Variants in C1QTNF9B observed in about 807,000 individuals in gnomAD.
C1QTNF9B encodes complement C1q and tumor necrosis factor-related protein 9B.
A neutral mutation model predicts 10.1 loss-of-function variants in C1QTNF9B; 9 were observed. That is an observed-to-expected ratio of 0.89 (90% confidence interval 0.53 to 1.55). The LOEUF (loss-of-function observed/expected upper bound fraction) is 1.55. Among genes scored for constraint, C1QTNF9B ranks in the 40% most tolerant of loss-of-function variants. The pLI is 0.00. For missense variants in C1QTNF9B, 196 were observed against 414.4 expected, an observed-to-expected ratio of 0.47 and a Z score of 4.58; for synonymous variants, 79 against 159.9, an observed-to-expected ratio of 0.49 and a Z score of 3.82.
intron 1 of C1QTNF9B, 64 bp downstream of exon 3, chr13:23,896,757 A>G (rs2137569766): frequency 8.1e-6 from 13 of 1,598,196 alleles, no homozygotes; most frequent in Non-Finnish European, 1.0e-5. Context: ...ACAGATGATG[A>G]GTGAATGAGA....
chr13:23,893,543 G>C (rs144101134), intron 2 of C1QTNF9B, among the ~76,000 whole-genome samples: 1 of 152,288 alleles, frequency 6.6e-6, no homozygotes, highest in East Asian at 1.9e-4. Flanking sequence ...TGAGATCATG[G>C]CTCATGGCAG....
At chr13:23,892,141 C>A in intron 2 of C1QTNF9B, 80 bp from the exon 5 acceptor site, 1 of 1,556,426 alleles carries the variant, frequency 6.4e-7, no homozygotes, top group Non-Finnish European at 8.7e-7. Context: ...TATAATTGAG[C>A]TCACAAATGA....
At chr13:23,893,615 G>C (rs1221395322) in intron 2 of C1QTNF9B, among the ~76,000 whole-genome samples, 1 of 152,170 alleles carries the variant, frequency 6.6e-6, no homozygotes, top group Non-Finnish European at 1.5e-5. Flanking sequence ...TGGGACTACA[G>C]GCATGTGCCA....
intron 1 of C1QTNF9B, among the ~76,000 whole-genome samples, chr13:23,895,550 T>C (rs181124782): frequency 5.8e-4 from 89 of 152,174 alleles, no homozygotes; most frequent in Admixed American, 8.5e-4. Context: ...ATGTAAAACT[T>C]GAAAGAATGG....
chr13:23,894,720 T>C, intron 1 of C1QTNF9B: 2 of 437,206 alleles, frequency 4.6e-6, no homozygotes, highest in Non-Finnish European at 9.2e-6. Context: ...ATCCCTCTAG[T>C]GCCTTACACT....
At position 23,896,883 on chromosome 13, in the gene C1QTNF9B, C is replaced by T. The variant is rs908770597; in HGVS notation, c.104G>A (p.Gly35Asp). 7 of 1,613,954 alleles carry T rather than the reference C, an allele frequency of 4.3e-6. No individual in the cohort carries two copies. The highest frequency in any genetic ancestry group is 2.7e-5 in the African/African-American group (2 of 74,930). ...ATCTCTTCCAGGCAGACCATTGTGA[C>T]CGGGGTTCCCAGGGATTCCAGGGTG... Residue 35 changes from glycine to aspartate, a missense_variant, in exon 1 of 3, where the codon GGT becomes GAT. Gly to Asp is a moderately conservative substitution (Grantham distance 94). Around this residue, in one of 5 missense-constraint regions of C1QTNF9B, gnomAD observed 46 missense variants for 64.5 expected, o/e 0.71. Coordinates refer to ENST00000382137, the Ensembl canonical transcript of C1QTNF9B.
chr13:23,896,930 T>C, exon 1 of C1QTNF9B: 1 of 1,614,042 alleles, frequency 6.2e-7, no homozygotes, highest in South Asian at 1.1e-5. Context: ...AGGTGTCCTG[T>C]GAGTTTATGT....
chr13:23,896,181 C>T (rs1483117617), intron 1 of C1QTNF9B, among the ~76,000 whole-genome samples: 2 of 152,302 alleles, frequency 1.3e-5, no homozygotes, highest in Middle Eastern at 3.4e-3. Flanking sequence ...CAAGACCAGG[C>T]CTCAAGAATG....
Position 23,891,404 on chromosome 13 carries a change from T to C in C1QTNF9B, c.887A>G (p.Lys296Arg), listed in dbSNP as rs1448331805. The change falls in exon 3 of 3, where the codon AAG becomes AGG. Residue 296 changes from lysine (K) to arginine (R), a missense_variant. Around this residue, in one of 5 missense-constraint regions of C1QTNF9B, gnomAD observed 72 missense variants for 87.1 expected, o/e 0.83. Transcript: ENST00000382137. ...CTGCAGCCACATCTCATCCCCGAGC[T>C]TCAGCTGCAGGACAATGCTGCCAGA... 8.9e-6 allele frequency: 14 copies of C among 1,581,828 alleles called. 1 individual carries two copies. The highest frequency in any genetic ancestry group is 1.2e-5 in the Non-Finnish European group (14 of 1,153,872).
At chr13:23,892,348 T>C (rs1458429731) in intron 2 of C1QTNF9B, among the ~76,000 whole-genome samples, 2 of 151,904 alleles carry the variant, frequency 1.3e-5, no homozygotes, top group Non-Finnish European at 2.9e-5. Flanking sequence ...AATAAAAAAA[T>C]AAGAAAATAA....
chr13:23,897,364 T>C (rs1367431003), upstream of C1QTNF9B: 12 of 297,030 alleles, frequency 4.0e-5, no homozygotes, highest in Non-Finnish European at 6.9e-5. Flanking sequence ...AATCAAATTT[T>C]ATCACAATAT....
Position 23,891,105 on chromosome 13 carries a change from TTAAATATTTACTCC to T in C1QTNF9B, c.*170_*183del, listed in dbSNP as rs1369775051. ...AATTAGAATAAACCATGCAGCTATT[TTAAATATTTACTCC>T]TGGAAAAATAGTAAGTTACATAGAA... On this transcript the variant is annotated 3_prime_UTR_variant, in exon 3 of 3. Coordinates refer to ENST00000382137, the Ensembl canonical transcript of C1QTNF9B. The T allele has an allele frequency of 2.5e-5, 13 of 529,388 alleles. 1 individual carries two copies. The highest frequency in any genetic ancestry group is 3.7e-5 in the Non-Finnish European group (12 of 322,668). 32.8% of individuals were successfully genotyped at this position (529,388 alleles called of 1,614,324 possible). A position where few individuals can be genotyped will look rare whatever the true frequency, so the allele number is the denominator to read the frequency against.
chr13:23,894,946 C>G (rs1332360770), intron 1 of C1QTNF9B, among the ~76,000 whole-genome samples: 7 of 152,192 alleles, frequency 4.6e-5, no homozygotes, highest in Admixed American at 3.3e-4. Flanking sequence ...AGCAGAGACT[C>G]CCATACTTCA....
chr13:23,893,427 C>A (rs1872085934), intron 2 of C1QTNF9B, among the ~76,000 whole-genome samples: 2 of 152,150 alleles, frequency 1.3e-5, no homozygotes, highest in Admixed American at 6.5e-5. Context: ...CCAAATTCAG[C>A]CTCCCTCCCG....
At chr13:23,892,769 C>T (rs901242872) in intron 2 of C1QTNF9B, among the ~76,000 whole-genome samples, 1 of 152,214 alleles carries the variant, frequency 6.6e-6, no homozygotes, top group Non-Finnish European at 1.5e-5. Flanking sequence ...TGTCAGGGCT[C>T]ACATTAGAAA....
chr13:23,892,158 G>GT, intron 2 of C1QTNF9B, 97 bp from the exon 5 acceptor site: 2 of 1,460,730 alleles, frequency 1.4e-6, no homozygotes, highest in Non-Finnish European at 1.9e-6. Context: ...ATGAAACAAA[G>GT]TAGTACACAG....
intron 1 of C1QTNF9B, chr13:23,894,498 G>T: frequency 1.7e-6 from 1 of 604,942 alleles, no homozygotes; most frequent in South Asian, 1.5e-5. Flanking sequence ...GTGCAATGGG[G>T]ACTGACTGTC....
At chr13:23,893,582 C>A (rs1160595246) in intron 2 of C1QTNF9B, among the ~76,000 whole-genome samples, 1 of 152,190 alleles carries the variant, frequency 6.6e-6, no homozygotes, top group Non-Finnish European at 1.5e-5. Context: ...AAGTGATCCT[C>A]CCATCTCAGC....
chr13:23,895,326 TTA>T (rs1872158577), intron 1 of C1QTNF9B, among the ~76,000 whole-genome samples: 1 of 152,110 alleles, frequency 6.6e-6, no homozygotes. Flanking sequence ...CAGTAGACAT[TTA>T]TATGTTTCTA....
Sources: allele counts gnomAD v4.1 joint callset (sites outside exome capture counted in the v4.1 genomes callset), GRCh38; gene constraint gnomAD v4.1.1; regional missense constraint gnomAD v4.1.1; transcripts MANE v1.5; gene names NCBI Gene and HGNC (gene_info 2026-07-23, HGNC 2026-07-21).